GABRB1: variants seen among roughly 807,000 people sequenced by gnomAD.
The protein encoded by GABRB1 is gamma-aminobutyric acid type A receptor subunit beta1.
Under a neutral mutation model 51.6 loss-of-function variants are expected in GABRB1, and 17 were observed. The ratio of observed to expected loss-of-function variants is 0.33; its 90% CI spans 0.23 to 0.49. GABRB1 has a LOEUF of 0.49. Among genes scored for constraint, GABRB1 ranks in the 20% least tolerant of loss-of-function variants. The pLI, the probability that GABRB1 is intolerant of heterozygous loss-of-function variation, is 0.99. For synonymous variants in GABRB1, 247 were observed against 218.9 expected, an observed-to-expected ratio of 1.13 and a Z score of -1.14; for missense variants, 410 against 600.6, an observed-to-expected ratio of 0.68 and a Z score of 3.32.
chr4:47,045,620 T>TA (rs1726048270), intron 3 of GABRB1, among the ~76,000 whole-genome samples: 1 of 152,008 alleles, frequency 6.6e-6, no homozygotes, highest in Non-Finnish European at 1.5e-5. Context: ...GTTGAGGGGC[T>TA]ACTGCTTGGT....
At chr4:47,210,272 T>G (rs1391803562) in intron 4 of GABRB1, among the ~76,000 whole-genome samples, 1 of 152,180 alleles carries the variant, frequency 6.6e-6, no homozygotes, top group Non-Finnish European at 1.5e-5. Context: ...TGTATAAGTT[T>G]TTTAATCTTA....
At chr4:47,374,596 A>C (rs1333786063) in intron 5 of GABRB1, among the ~76,000 whole-genome samples, 1 of 152,212 alleles carries the variant, frequency 6.6e-6, no homozygotes, top group Non-Finnish European at 1.5e-5. Context: ...TCAAGACAGC[A>C]CATAGTATTG....
chr4:47,213,201 A>G lies in GABRB1; in HGVS notation c.461+51732A>G, dbSNP rs541627810. On this transcript the variant is annotated intron_variant, in intron 4 of 8. Coordinates refer to ENST00000295454, the MANE Select transcript of GABRB1 (RefSeq NM_000812.4). ...CCATAATCAGTAAAGATAATTTTGT[A>G]TGCTTAATTGATTGTTTATATGCTT... Among the ~76,000 whole-genome samples the G allele has an allele frequency of 7.0e-4, 107 of 152,270 alleles. 2 individuals carry two copies. Among genetic ancestry groups the G allele is most frequent in the African/African-American group, 2.0e-3 (84 of 41,566 alleles).
chr4:47,169,271 T>C (rs1718340571), intron 4 of GABRB1, among the ~76,000 whole-genome samples: 1 of 152,172 alleles, frequency 6.6e-6, no homozygotes, highest in Admixed American at 6.6e-5. Context: ...TTTGATTATC[T>C]TGAGGTAGAG....
chr4:47,241,541 A>C (rs1721522408), intron 4 of GABRB1, among the ~76,000 whole-genome samples: 1 of 152,084 alleles, frequency 6.6e-6, no homozygotes, highest in Non-Finnish European at 1.5e-5. Flanking sequence ...TTTCACCAAC[A>C]ATCTTTGTCT....
At chr4:47,199,391 A>C (rs770228525) in intron 4 of GABRB1, among the ~76,000 whole-genome samples, 1 of 152,180 alleles carries the variant, frequency 6.6e-6, no homozygotes, top group Non-Finnish European at 1.5e-5. Flanking sequence ...TGTACGACTC[A>C]TGGATCCCCT....
chr4:47,130,473 G>T (rs899868184), intron 3 of GABRB1, among the ~76,000 whole-genome samples: 5 of 151,810 alleles, frequency 3.3e-5, no homozygotes, highest in Non-Finnish European at 7.4e-5. Context: ...TGCACAAGTT[G>T]TCCTTTCAGT....
At chr4:47,407,888 T>A (rs185982435) in intron 8 of GABRB1, among the ~76,000 whole-genome samples, 1 of 152,182 alleles carries the variant, frequency 6.6e-6, no homozygotes, top group East Asian at 1.9e-4. Flanking sequence ...GCCTAGGAGT[T>A]TGAGACCAGC....
intron 4 of GABRB1, among the ~76,000 whole-genome samples, chr4:47,285,449 T>C (rs892640667): frequency 2.0e-5 from 3 of 152,234 alleles, no homozygotes; most frequent in Non-Finnish European, 4.4e-5. Flanking sequence ...GAACGTACAA[T>C]GAATTGTTTC....
intron 5 of GABRB1, among the ~76,000 whole-genome samples, chr4:47,328,073 A>AT (rs1725322019): frequency 6.6e-6 from 1 of 151,950 alleles, no homozygotes; most frequent in South Asian, 2.1e-4. Flanking sequence ...GATGATGAGC[A>AT]TTTTTTCATG....
At chr4:47,353,060 A>G (rs1726418088) in intron 5 of GABRB1, among the ~76,000 whole-genome samples, 2 of 152,200 alleles carry the variant, frequency 1.3e-5, no homozygotes, top group South Asian at 2.1e-4. Flanking sequence ...TGGCAGCAAG[A>G]GAAAATAAGG....
In GABRB1 at chr4:47,425,946, G is replaced by A. The variant is rs938530622; in HGVS notation, c.1353G>A (p.Lys451=). Residue 451 remains lysine, a synonymous_variant, in exon 9 of 9, where the codon AAG becomes AAA. Transcript: ENST00000295454. The part of the protein sequence containing the change: ...PDLTDVNSID[K]WSRMFFPITF... The stretch of plus-strand genomic sequence containing the variant: ...TGACTGATGTGAATTCCATAGACAA[G>A]TGGTCCCGAATGTTTTTCCCCATCA... 12 of 1,613,522 alleles carry A rather than the reference G, an allele frequency of 7.4e-6. No individual in the cohort carries two copies. The highest frequency in any genetic ancestry group is 1.0e-5 in the Non-Finnish European group (12 of 1,179,554).
At chr4:47,215,025 C>T (rs1262994044) in intron 4 of GABRB1, among the ~76,000 whole-genome samples, 2 of 152,030 alleles carry the variant, frequency 1.3e-5, no homozygotes, top group African/African-American at 2.4e-5. Flanking sequence ...GTAACCCCAC[C>T]TTCAGTCCAG....
At position 47,325,391 on chromosome 4, in the gene GABRB1, C is replaced by T. The variant is rs150315848; in HGVS notation, c.544+5182C>T. 3.0e-3 allele frequency among the ~76,000 whole-genome samples: 448 copies of T among 149,666 alleles called. 3 individuals are homozygous for T. Among genetic ancestry groups the T allele is most frequent in the African/African-American group, 0.01 (422 of 40,626 alleles). On this transcript the variant is annotated intron_variant, in intron 5 of 8. Transcript: ENST00000295454. The stretch of plus-strand genomic sequence containing the variant: ...CAGAGGTTGCAGTGAGCTGAGATGG[C>T]ACCATTGCACTCCAGCCTGAGGGAT...
chr4:47,091,203 A>G (rs899691816), intron 3 of GABRB1, among the ~76,000 whole-genome samples: 5 of 152,158 alleles, frequency 3.3e-5, no homozygotes, highest in African/African-American at 1.2e-4. Flanking sequence ...ACAAGTAATT[A>G]TCCTGCTCAA....
intron 4 of GABRB1, among the ~76,000 whole-genome samples, chr4:47,299,685 T>A (rs1174877450): frequency 6.6e-6 from 1 of 152,098 alleles, no homozygotes; most frequent in African/African-American, 2.4e-5. Context: ...AGTGTGGCGA[T>A]TCCTCAGGAA....
intron 5 of GABRB1, among the ~76,000 whole-genome samples, chr4:47,396,714 G>T (rs890597222): frequency 3.3e-5 from 5 of 152,110 alleles, no homozygotes; most frequent in African/African-American, 4.8e-5. Flanking sequence ...TGGTGAAAGG[G>T]TATATACATT....
intron 4 of GABRB1, among the ~76,000 whole-genome samples, chr4:47,294,930 C>A (rs553854631): frequency 3.2e-4 from 48 of 152,202 alleles, no homozygotes; most frequent in Non-Finnish European, 6.2e-4. Flanking sequence ...AATGATCAGA[C>A]AGCAGCATTC....
intron 4 of GABRB1, among the ~76,000 whole-genome samples, chr4:47,234,075 G>A (rs1380416036): frequency 2.0e-5 from 3 of 152,074 alleles, no homozygotes; most frequent in Non-Finnish European, 4.4e-5. Context: ...ATTTCCTTGA[G>A]GGTGATGAAT....
Sources: gnomAD v4.1 joint callset for allele counts (sites outside exome capture counted in the v4.1 genomes callset) on GRCh38, gnomAD v4.1.1 for gene constraint, MANE v1.5 for transcripts, NCBI Gene and HGNC (gene_info 2026-07-23, HGNC 2026-07-21) for gene names.